Variants in AKAP13 observed in about 807,000 individuals in gnomAD.
AKAP13 encodes the protein A-kinase anchor protein 13.
Under a neutral mutation model 264.5 loss-of-function variants are expected in AKAP13, and 80 were observed. The ratio of observed to expected loss-of-function variants is 0.30; its 90% CI spans 0.25 to 0.36. AKAP13 has a LOEUF of 0.36. AKAP13 is among the 10% of genes least tolerant of loss of function. The pLI is 1.00. For synonymous variants in AKAP13, 1,380 were observed against 1,250.2 expected (o/e 1.10, Z -2.19); for missense variants, 3,712 against 3,435.2 (o/e 1.08, Z -2.01).
chr15:85,600,884 C>T (rs904608692), intron 8 of AKAP13, among the ~76,000 whole-genome samples: 5 of 152,164 alleles, frequency 3.3e-5, no homozygotes, highest in Admixed American at 3.3e-4. Flanking sequence ...AGTGGGAAGA[C>T]CCTCTTACAA....
chr15:85,716,692 G>C (rs962319173), intron 20 of AKAP13, among the ~76,000 whole-genome samples: 8 of 152,038 alleles, frequency 5.3e-5, no homozygotes, highest in Non-Finnish European at 1.2e-4. Context: ...AAAGTTTCAG[G>C]TATTTTTGTT....
At chr15:85,592,527 T>C (rs763318232) in intron 8 of AKAP13, among the ~76,000 whole-genome samples, 10 of 152,232 alleles carry the variant, frequency 6.6e-5, no homozygotes, top group Non-Finnish European at 1.3e-4. Flanking sequence ...GGTGTGTGTG[T>C]CACCTAGGGA....
intron 2 of AKAP13, among the ~76,000 whole-genome samples, chr15:85,498,218 ATATATAT>A (rs1410922124): frequency 1.7e-3 from 157 of 94,180 alleles, no homozygotes; most frequent in African/African-American, 6.3e-3. Context: ...ATATATATAT[ATATATAT>A]ATCACATTGA....
intron 2 of AKAP13, among the ~76,000 whole-genome samples, chr15:85,492,574 A>G (rs1164897981): frequency 6.6e-6 from 1 of 152,238 alleles, no homozygotes; most frequent in Non-Finnish European, 1.5e-5. Flanking sequence ...TATATTTCCT[A>G]AGAATGAAGA....
At chr15:85,556,376 G>A (rs2078148047) in intron 5 of AKAP13, among the ~76,000 whole-genome samples, 1 of 152,142 alleles carries the variant, frequency 6.6e-6, no homozygotes, top group Non-Finnish European at 1.5e-5. Flanking sequence ...TATGACAGCC[G>A]TAACATCATT....
rs145183378 is a variant in AKAP13, at chr15:85,620,872, T to G, written c.4162-18502T>G. ...ATTGCTCACAGAAGGCATCCTTGAA[T>G]CTAAAATTAGTAAGAACTCCTCCAG... is the stretch of plus-strand genomic sequence containing the variant. On this transcript the variant is annotated intron_variant, in intron 8 of 36. Coordinates refer to ENST00000394518, the MANE Select transcript of AKAP13 (RefSeq NM_007200.5). 2.1e-3 allele frequency among the ~76,000 whole-genome samples: 327 copies of G among 152,244 alleles called. 2 individuals are homozygous for G. Among genetic ancestry groups the G allele is most frequent in the African/African-American group, 7.5e-3 (312 of 41,538 alleles).
intron 1 of AKAP13, among the ~76,000 whole-genome samples, chr15:85,445,415 C>T (rs548842825): frequency 6.6e-6 from 1 of 152,222 alleles, no homozygotes; most frequent in East Asian, 1.9e-4. Flanking sequence ...GGAAAGAAAA[C>T]CCATACATCT....
intron 8 of AKAP13, among the ~76,000 whole-genome samples, chr15:85,589,324 T>C (rs557304191): frequency 2.2e-4 from 33 of 152,164 alleles, no homozygotes; most frequent in Non-Finnish European, 3.7e-4. Flanking sequence ...TGAAAGTGTC[T>C]GTAGCTAGTA....
intron 8 of AKAP13, 45 bp from the exon 9 acceptor site, chr15:85,639,329 A>G (rs759662897): frequency 7.3e-7 from 1 of 1,373,402 alleles, no homozygotes; most frequent in Admixed American, 1.7e-5. Flanking sequence ...AAATTATCTC[A>G]CATTACTTCA....
chr15:85,484,855 C>G (rs1046587021), intron 1 of AKAP13, among the ~76,000 whole-genome samples: 1 of 152,162 alleles, frequency 6.6e-6, no homozygotes, highest in Non-Finnish European at 1.5e-5. Context: ...ACACTTTATA[C>G]TGTTATTTTG....
intron 2 of AKAP13, among the ~76,000 whole-genome samples, chr15:85,486,833 G>T (rs1311304837): frequency 3.4e-5 from 5 of 146,382 alleles, no homozygotes; most frequent in African/African-American, 5.1e-5. Context: ...CCGCCTCCCA[G>T]GTTCACGCCA....
At chr15:85,717,522 C>CAATTTAGAGAAT in intron 21 of AKAP13, 120 bp downstream of exon 21, 1 of 719,562 alleles carries the variant, frequency 1.4e-6, no homozygotes, top group South Asian at 1.7e-5. Flanking sequence ...CGTGAAGATT[C>CAATTTAGAGAAT]TCTAAATTGT....
chr15:85,415,719 T>G, intron 1 of AKAP13: 1 of 702,846 alleles, frequency 1.4e-6, no homozygotes, highest in East Asian at 2.7e-5. Flanking sequence ...CCGTTTCTTT[T>G]TTTTTTTTTT....
intron 1 of AKAP13, among the ~76,000 whole-genome samples, chr15:85,409,999 A>G (rs1302783187): frequency 6.6e-6 from 1 of 151,666 alleles, no homozygotes; most frequent in African/African-American, 2.4e-5. Flanking sequence ...TAGTAACTTT[A>G]CTGAGCTCAA....
intron 1 of AKAP13, among the ~76,000 whole-genome samples, chr15:85,406,434 C>T (rs11634340): frequency 0.53 from 77,979 of 146,168 alleles, 21,657 homozygotes; most frequent in African/African-American, 0.64. Context: ...TGCAGTTCCA[C>T]TGTGTGTAAG....
intron 8 of AKAP13, among the ~76,000 whole-genome samples, chr15:85,635,662 C>G (rs915642214): frequency 1.3e-5 from 2 of 151,756 alleles, no homozygotes; most frequent in Non-Finnish European, 2.9e-5. Context: ...TTCCCTCTGT[C>G]TTCTTTAGGA....
intron 10 of AKAP13, among the ~76,000 whole-genome samples, chr15:85,647,546 T>C (rs2082612208): frequency 6.6e-6 from 1 of 152,026 alleles, no homozygotes; most frequent in Non-Finnish European, 1.5e-5. Flanking sequence ...TTGAACTCAT[T>C]GTCTTCCCAA....
chr15:85,622,563 G>T (rs946157270), intron 8 of AKAP13, among the ~76,000 whole-genome samples: 4 of 152,168 alleles, frequency 2.6e-5, no homozygotes, highest in Non-Finnish European at 5.9e-5. Context: ...GATTATTCTG[G>T]TAGTAATCGG....
chr15:85,604,626 G>A (rs950754337), intron 8 of AKAP13, among the ~76,000 whole-genome samples: 3 of 152,024 alleles, frequency 2.0e-5, no homozygotes, highest in Non-Finnish European at 4.4e-5. Flanking sequence ...ACCACTCCCA[G>A]CTAATTTTTG....
Sources: gnomAD v4.1 joint callset for allele counts (sites outside exome capture counted in the v4.1 genomes callset) on GRCh38, gnomAD v4.1.1 for gene constraint, MANE v1.5 for transcripts, NCBI Gene and HGNC (gene_info 2026-07-23, HGNC 2026-07-21) for gene names.